Variants in DMD observed in about 807,000 individuals in gnomAD.
DMD encodes the protein mutant dystrophin.
In DMD, 63 loss-of-function variants were observed where a neutral mutation model predicts 330.1. The observed-to-expected ratio is 0.19, with a 90% CI of 0.16 to 0.24. DMD has a LOEUF of 0.24. Among genes scored for constraint, DMD ranks in the 10% least tolerant of loss-of-function variants. DMD has a pLI of 1.00. For missense variants in DMD, 3,344 were observed against 2,684.1 expected, an observed-to-expected ratio of 1.25 and a Z score of -5.43; for synonymous variants, 1,223 against 959.8, an observed-to-expected ratio of 1.27 and a Z score of -5.07.
At chrX:33,190,871 A>AGTG (rs1165494504) in intron 1 of DMD, among the ~76,000 whole-genome samples, 119 of 1,063 alleles carry the variant, frequency 0.11, 33 homozygotes, top group Non-Finnish European at 0.17. Context: ...TATTATATAT[A>AGTG]TATATATAAT....
chrX:31,437,809 GATAT>G (rs34012169), intron 60 of DMD, among the ~76,000 whole-genome samples: 1 of 100,305 alleles, frequency 1.0e-5, no homozygotes. Flanking sequence ...TTTGCATCCT[GATAT>G]ATATATATAT....
In DMD at chrX:33,086,171, C is replaced by A. The variant is rs1054445049; in HGVS notation, c.32-65971G>T. Among the ~76,000 whole-genome samples, 3 of 111,169 alleles carry A rather than the reference C, an allele frequency of 2.7e-5. No homozygotes were observed. The Admixed American group carries it at 2.9e-4, about 11-fold the overall frequency. On this transcript the variant is annotated intron_variant, in intron 1 of 78. Transcript: ENST00000357033. ...TATCCCTGATTATCATAGGATTGAA[C>A]CTTCTAAATTATCTGTTGACAGTCA...
At chrX:32,675,201 G>T (rs1447757027) in intron 9 of DMD, among the ~76,000 whole-genome samples, 1 of 111,156 alleles carries the variant, frequency 9.0e-6, no homozygotes, top group African/African-American at 3.3e-5. Context: ...TTTTTAGAAA[G>T]GATGTATTAT....
chrX:33,330,668 C>G lies in DMD; in HGVS notation c.7+8591G>C, dbSNP rs200504331. Among the ~76,000 whole-genome samples the G allele has an allele frequency of 7.1e-5, 8 of 112,072 alleles. No homozygotes were observed. The East Asian group carries it at 2.0e-3, about 28-fold the overall frequency. On this transcript the variant is annotated intron_variant, in intron 1 of 17. Transcript: ENST00000288447. ...ATTTAATATCATTGTATGCAACTGG[C>G]TTTTAGACCAGCCTAGACATTTTCC...
intron 1 of DMD, among the ~76,000 whole-genome samples, chrX:33,236,824 T>A (rs1465351620): frequency 9.0e-6 from 1 of 111,429 alleles, no homozygotes. Context: ...GTGAGGCTAG[T>A]GGGGAAGGAC....
At chrX:32,680,928 C>A (rs1461979593) in intron 9 of DMD, among the ~76,000 whole-genome samples, 3 of 111,957 alleles carry the variant, frequency 2.7e-5, no homozygotes, top group Admixed American at 9.5e-5. Context: ...CTTCTGGTAC[C>A]TTCTCTAGCC....
At chrX:31,206,003 TAC>T (rs1455421397) in intron 66 of DMD, among the ~76,000 whole-genome samples, 1 of 112,779 alleles carries the variant, frequency 8.9e-6, no homozygotes, top group East Asian at 2.8e-4. Context: ...AATTTGGTTT[TAC>T]AGTTTTTAAG....
intron 9 of DMD, among the ~76,000 whole-genome samples, chrX:32,689,517 A>G (rs1234666138): frequency 9.0e-6 from 1 of 111,488 alleles, no homozygotes; most frequent in Non-Finnish European, 1.9e-5. Context: ...ATGCTTCACG[A>G]ACTCTTTGAA....
At chrX:32,836,580 A>G (rs1323731253) in intron 4 of DMD, among the ~76,000 whole-genome samples, 1 of 111,085 alleles carries the variant, frequency 9.0e-6, no homozygotes, top group Non-Finnish European at 1.9e-5. Flanking sequence ...GCATTTTTGT[A>G]ACATTTTTAT....
chrX:32,743,665 G>T (rs2069597651), intron 7 of DMD, among the ~76,000 whole-genome samples: 4 of 110,782 alleles, frequency 3.6e-5, no homozygotes, highest in Admixed American at 1.9e-4. Flanking sequence ...TGTGGAATGT[G>T]TTCAGTGGGT....
At chrX:31,201,392 T>C (rs961778338) in intron 67 of DMD, among the ~76,000 whole-genome samples, 3 of 111,635 alleles carry the variant, frequency 2.7e-5, no homozygotes, top group African/African-American at 9.8e-5. Flanking sequence ...CAAAACACAT[T>C]TCACATTTCA....
intron 60 of DMD, among the ~76,000 whole-genome samples, chrX:31,436,722 C>T (rs1023826974): frequency 8.9e-6 from 1 of 111,790 alleles, no homozygotes; most frequent in Admixed American, 9.6e-5. Flanking sequence ...TTATACTCTC[C>T]TTCTTCAATT....
intron 2 of DMD, among the ~76,000 whole-genome samples, chrX:33,009,339 C>CATATGTGTATGT (rs772630824): frequency 1.8e-4 from 4 of 22,660 alleles, no homozygotes; most frequent in African/African-American, 3.8e-4. Context: ...TGTATATACA[C>CATATGTGTATGT]GTGTATATAC....
At chrX:31,551,036 T>G (rs1177343175) in intron 55 of DMD, among the ~76,000 whole-genome samples, 1 of 110,276 alleles carries the variant, frequency 9.1e-6, no homozygotes, top group Non-Finnish European at 1.9e-5. Context: ...AAAAATTAGT[T>G]GGGTGTGGTG....
At chrX:32,324,969 C>A (rs754606681) in intron 41 of DMD, among the ~76,000 whole-genome samples, 1 of 111,257 alleles carries the variant, frequency 9.0e-6, no homozygotes. Context: ...TAATAGAATA[C>A]ATTTTGATTC....
At chrX:32,657,415 A>G (rs2060652616) in intron 9 of DMD, among the ~76,000 whole-genome samples, 1 of 112,368 alleles carries the variant, frequency 8.9e-6, no homozygotes, top group Non-Finnish European at 1.9e-5. Context: ...TGGCACATGA[A>G]AGACGTCTAG....
intron 55 of DMD, among the ~76,000 whole-genome samples, chrX:31,540,479 A>C (rs890275044): frequency 8.9e-6 from 1 of 112,301 alleles, no homozygotes; most frequent in Non-Finnish European, 1.9e-5. Context: ...GACTTATCAA[A>C]GGATATGCCT....
chrX:31,337,362 T>C (rs968104896), intron 61 of DMD, among the ~76,000 whole-genome samples: 1 of 112,050 alleles, frequency 8.9e-6, no homozygotes, highest in African/African-American at 3.2e-5. Context: ...TGATTTTTAC[T>C]GCAGATATCT....
At chrX:33,315,421 T>C (rs970891758) in intron 1 of DMD, among the ~76,000 whole-genome samples, 1 of 111,870 alleles carries the variant, frequency 8.9e-6, no homozygotes, top group African/African-American at 3.3e-5. Flanking sequence ...ATGACTAAAG[T>C]CAGCCATGTG....
Sources: gnomAD v4.1 joint callset for allele counts (sites outside exome capture counted in the v4.1 genomes callset) on GRCh38, gnomAD v4.1.1 for gene constraint, MANE v1.5 for transcripts, NCBI Gene and HGNC (gene_info 2026-07-23, HGNC 2026-07-21) for gene names.